Variants in ITGAM observed in about 807,000 individuals in gnomAD.
ITGAM encodes integrin alpha-M.
ITGAM carries 79 observed loss-of-function variants against 137.5 expected under a neutral mutation model. That is an observed-to-expected ratio of 0.57 (90% confidence interval 0.48 to 0.69). The LOEUF (loss-of-function observed/expected upper bound fraction) is 0.69, where lower values mean the gene tolerates loss of function less well. Among genes scored for constraint, ITGAM ranks in the 30% least tolerant of loss-of-function variants. The probability of loss-of-function intolerance (pLI) is 0.00; values close to 1 mark genes in which losing one functional copy is unlikely to be tolerated. For missense variants in ITGAM, 1,343 were observed against 1,483.5 expected, an observed-to-expected ratio of 0.91 and a Z score of 1.56; for synonymous variants, 583 against 592.3, an observed-to-expected ratio of 0.98 and a Z score of 0.23.
At chr16:31,321,187 C>T in intron 14 of ITGAM, 54 bp from the exon 15 acceptor site, 1 of 1,600,212 alleles carries the variant, frequency 6.2e-7, no homozygotes, top group South Asian at 1.1e-5. Context: ...CTGAGTTATA[C>T]ATCTCCTGTC....
Position 31,261,766 on chromosome 16 carries a change from G to A in ITGAM, c.103G>A (p.Gly35Arg), listed in dbSNP as rs2079702079. ...CTTCCAAGAGAACGCAAGGGGCTTC[G>A]GGCAGAGCGTGGTCCAGCTTCAGGG... ...MTFQENARGF[G>R]QSVVQLQGSR... The change falls in exon 2 of 30, where the codon GGG (glycine) becomes AGG (arginine). Residue 35 changes from glycine to arginine, a missense_variant. By Grantham distance (125) the Gly-to-Arg change is moderately radical. Transcript: ENST00000544665. 8 of 1,613,000 alleles carry A rather than the reference G, an allele frequency of 5.0e-6. No individual in the cohort carries two copies. The highest frequency in any genetic ancestry group is 1.6e-4 in the Middle Eastern group (1 of 6,062).
chr16:31,276,709 A>T lies in ITGAM; in HGVS notation c.1048A>T (p.Met350Leu), dbSNP rs771783124. ...TGSSSSFEHE[M>L]SQEGFSAAIT... is the part of the protein sequence containing the mutation. ...AAGTAGCAGCTCCTTTGAGCATGAG[A>T]TGTCTCAGGAAGGCTTCAGCGCTGC... Residue 350 changes from methionine to leucine, a missense_variant, in exon 10 of 30, where the codon ATG (methionine) becomes TTG (leucine). Met to Leu is a conservative substitution (Grantham distance 15). Coordinates refer to ENST00000544665, the MANE Select transcript of ITGAM (RefSeq NM_000632.4). 1 of 1,611,984 alleles carries T rather than the reference A, an allele frequency of 6.2e-7. No individual in the cohort carries two copies. Among genetic ancestry groups the T allele is most frequent in the South Asian group, 1.1e-5 (1 of 90,640 alleles).
chr16:31,328,000 G>T, intron 22 of ITGAM, 147 bp from the exon 23 acceptor site: 1 of 662,442 alleles, frequency 1.5e-6, no homozygotes. Context: ...GGGCTAGGCG[G>T]GGGCAGGGGT....
chr16:31,282,408 C>T (rs945941036), intron 12 of ITGAM, among the ~76,000 whole-genome samples: 5 of 152,112 alleles, frequency 3.3e-5, no homozygotes, highest in South Asian at 4.1e-4. Context: ...TGCTCCTGTA[C>T]TGGGTGCATA....
intron 16 of ITGAM, among the ~76,000 whole-genome samples, chr16:31,322,498 C>G (rs2080460842): frequency 6.6e-6 from 1 of 152,190 alleles, no homozygotes; most frequent in Admixed American, 6.5e-5. Context: ...TACTCCAAGA[C>G]ACCCAGTAGA....
At chr16:31,306,811 C>T (rs1009913091) in intron 14 of ITGAM, among the ~76,000 whole-genome samples, 4 of 152,044 alleles carry the variant, frequency 2.6e-5, no homozygotes, top group African/African-American at 9.7e-5. Flanking sequence ...TGTCTGGCCG[C>T]AAAGTACTCT....
chr16:31,287,788 C>T (rs184157774), intron 12 of ITGAM, among the ~76,000 whole-genome samples: 1 of 152,064 alleles, frequency 6.6e-6, no homozygotes, highest in Non-Finnish European at 1.5e-5. Flanking sequence ...CACATACTGG[C>T]CATTGATGGT....
At chr16:31,328,313 C>A in intron 23 of ITGAM, 83 bp downstream of exon 23, 1 of 1,049,044 alleles carries the variant, frequency 9.5e-7, no homozygotes, top group Non-Finnish European at 1.5e-6. Context: ...TGAGTCTGTG[C>A]ATGTGTGTGT....
intron 26 of ITGAM, 32 bp downstream of exon 26, chr16:31,330,196 A>G: frequency 6.2e-7 from 1 of 1,605,256 alleles, no homozygotes; most frequent in Non-Finnish European, 8.5e-7. Flanking sequence ...AGGGCCACAC[A>G]GAGACCCAGA....
In ITGAM at chr16:31,329,794, G is replaced by A. The variant is rs372869700; in HGVS notation, c.2869-4G>A. On this transcript the variant is annotated splice_region_variant and splice_polypyrimidine_tract_variant and intron_variant, in intron 24 of 29. Coordinates refer to ENST00000544665, the MANE Select transcript of ITGAM (RefSeq NM_000632.4). ...GAGCCCTGACCCCGCCCTCCCCGGT[G>A]CAGGTCAGCAACCTGGGGCAGAGGA... 4.5e-5 allele frequency: 70 copies of A among 1,551,788 alleles called. No individual in the cohort carries two copies. Among genetic ancestry groups the A allele is most frequent in the Non-Finnish European group, 5.2e-5 (60 of 1,147,236 alleles).
At chr16:31,331,567 TCCCCCTGGTCTGC>T (rs1246788888) in intron 29 of ITGAM, 56 bp from the exon 30 acceptor site, 1 of 166,552 alleles carries the variant, frequency 6.0e-6, no homozygotes, top group African/African-American at 1.3e-4. Context: ...TCCCGCCCCC[TCCCCCTGGTCTGC>T]GGAGCCGCAC....
At chr16:31,326,988 C>A in intron 22 of ITGAM, 53 bp downstream of exon 22, 1 of 1,362,604 alleles carries the variant, frequency 7.3e-7, no homozygotes, top group Non-Finnish European at 1.1e-6. Flanking sequence ...ACGCCCCAGC[C>A]CCTGGCCCAT....
intron 12 of ITGAM, among the ~76,000 whole-genome samples, chr16:31,282,025 G>A (rs2079975004): frequency 6.6e-6 from 1 of 152,110 alleles, no homozygotes; most frequent in Non-Finnish European, 1.5e-5. Flanking sequence ...GTAGTTGAGC[G>A]GTTTTGAGTG....
chr16:31,303,247 G>T (rs1293082552), intron 14 of ITGAM, among the ~76,000 whole-genome samples: 1 of 151,896 alleles, frequency 6.6e-6, no homozygotes, highest in Admixed American at 6.6e-5. Flanking sequence ...TGGCCAGGCT[G>T]GTCTTCTGGC....
In ITGAM at chr16:31,331,658, A is replaced by G. The variant is rs1384108499; in HGVS notation, c.3410A>G (p.Tyr1137Cys). ...LYKLGFFKRQ[Y>C]KDMMSEGGPP... The stretch of plus-strand genomic sequence containing the variant: ...CAGCTCGGCTTCTTCAAGCGGCAAT[A>G]CAAGGACATGATGAGTGAAGGGGGT... The change falls in exon 30 of 30, where the codon TAC (tyrosine) becomes TGC (cysteine). Residue 1137 changes from tyrosine to cysteine, a missense_variant. Coordinates refer to ENST00000544665, the MANE Select transcript of ITGAM (RefSeq NM_000632.4). 2 of 1,609,966 alleles carry G rather than the reference A, an allele frequency of 1.2e-6. No individual in the cohort carries two copies. Among genetic ancestry groups the G allele is most frequent in the Admixed American group, 3.4e-5 (2 of 59,532 alleles).
At position 31,271,969 on chromosome 16, in the gene ITGAM, G is replaced by A. The variant is rs41499844; in HGVS notation, c.681G>A (p.Thr227=). The change falls in exon 7 of 30, where the codon ACG becomes ACA. Residue 227 remains threonine (T), a synonymous_variant. Transcript: ENST00000544665. ...PITQLLGRTH[T]ATGIRKVVRE... ...CGCAGCTGCTTGGGCGGACACACAC[G>A]GCCACGGGCATCCGCAAAGTGGTGT... 539 of 1,613,974 alleles carry A rather than the reference G, an allele frequency of 3.3e-4. 5 individuals carry two copies. In the African/African-American group the frequency reaches 6.5e-3, roughly 20 times the overall value.
intron 28 of ITGAM, 76 bp downstream of exon 28, chr16:31,330,681 G>A: frequency 1.0e-6 from 1 of 995,318 alleles, no homozygotes; most frequent in Non-Finnish European, 1.5e-6. Flanking sequence ...GGAGGAGAGA[G>A]AGACACAAAG....
chr16:31,297,781 G>C lies in ITGAM; in HGVS notation c.1534G>C (p.Glu512Gln). 3 of 1,606,276 alleles carry C rather than the reference G, an allele frequency of 1.9e-6. No homozygotes were observed. The highest frequency in any genetic ancestry group is 2.5e-6 in the Non-Finnish European group (3 of 1,177,202). The part of the protein sequence containing the change: ...RWQCDAVLYG[E>Q]QGQPWGRFGA... ...GCAGTGTGATGCTGTTCTCTACGGG[G>C]AGCAGGGCCAACCCTGGGGCCGCTT... Residue 512 changes from glutamate (E) to glutamine (Q), a missense_variant, in exon 14 of 30, where the codon GAG (glutamate) becomes CAG (glutamine). Physicochemically the swap from Glu to Gln is conservative, Grantham distance 29. Transcript: ENST00000544665.
chr16:31,329,212 T>C lies in ITGAM; in HGVS notation c.2793-16T>C, dbSNP rs780884674. On this transcript the variant is annotated splice_polypyrimidine_tract_variant and intron_variant, in intron 23 of 29. Coordinates refer to ENST00000544665, the MANE Select transcript of ITGAM (RefSeq NM_000632.4). ...CTCATGTTTTGTCACCTCCTGTCCC[T>C]TTTTTCTCCCTTCAGCCATGGGGTC... 7 of 1,589,284 alleles carry C rather than the reference T, an allele frequency of 4.4e-6. No individual in the cohort carries two copies. The highest frequency in any genetic ancestry group is 6.0e-6 in the Non-Finnish European group (7 of 1,158,836).
Sources: allele counts gnomAD v4.1 joint callset (sites outside exome capture counted in the v4.1 genomes callset), GRCh38; gene constraint gnomAD v4.1.1; transcripts MANE v1.5; gene names NCBI Gene and HGNC (gene_info 2026-07-23, HGNC 2026-07-21).